ADAMTS16: variants seen among roughly 807,000 people sequenced by gnomAD.
The protein encoded by ADAMTS16 is ADAM metallopeptidase with thrombospondin type 1 motif 16.
ADAMTS16 carries 94 observed loss-of-function variants against 145.8 expected under a neutral mutation model. The observed-to-expected ratio is 0.64, with a 90% CI of 0.55 to 0.77. The LOEUF (loss-of-function observed/expected upper bound fraction) is 0.77. Ranked by LOEUF, ADAMTS16 falls within the 30% of genes least tolerant of loss-of-function variation. ADAMTS16 has a pLI of 0.00. For missense variants in ADAMTS16, 1,585 were observed against 1,591.5 expected, an observed-to-expected ratio of 1.00 and a Z score of 0.07; for synonymous variants, 659 against 604.3, an observed-to-expected ratio of 1.09 and a Z score of -1.33.
intron 11 of ADAMTS16, among the ~76,000 whole-genome samples, chr5:5,226,593 G>A (rs1340248002): frequency 6.6e-6 from 1 of 152,058 alleles, no homozygotes; most frequent in Non-Finnish European, 1.5e-5. Context: ...TCTGTGTGTC[G>A]TTGGTTTGCA....
chr5:5,157,429 T>G (rs1048800206), intron 3 of ADAMTS16, among the ~76,000 whole-genome samples: 15 of 152,224 alleles, frequency 9.9e-5, no homozygotes, highest in African/African-American at 3.6e-4. Flanking sequence ...AATCATATGC[T>G]GATCACTCCC....
At chr5:5,157,296 AT>A (rs1241072103) in intron 3 of ADAMTS16, among the ~76,000 whole-genome samples, 1 of 152,030 alleles carries the variant, frequency 6.6e-6, no homozygotes, top group Non-Finnish European at 1.5e-5. Flanking sequence ...TTGAATTTCT[AT>A]TTTTTCTTCA....
At chr5:5,300,308 G>A (rs1352032774) in intron 18 of ADAMTS16, among the ~76,000 whole-genome samples, 1 of 152,070 alleles carries the variant, frequency 6.6e-6, no homozygotes, top group Admixed American at 6.6e-5. Context: ...GCTTTACATG[G>A]AGAATTATCA....
intron 8 of ADAMTS16, among the ~76,000 whole-genome samples, chr5:5,194,813 T>C (rs1318351062): frequency 1.3e-5 from 2 of 152,252 alleles, no homozygotes; most frequent in Non-Finnish European, 2.9e-5. Context: ...TTTTGAGTTC[T>C]GTACGTCAAG....
chr5:5,299,565 G>C (rs766795344), intron 18 of ADAMTS16, among the ~76,000 whole-genome samples: 1 of 152,056 alleles, frequency 6.6e-6, no homozygotes, highest in Non-Finnish European at 1.5e-5. Flanking sequence ...AATGACTAAA[G>C]ACTGTTCGGC....
chr5:5,170,399 G>C (rs1328858523), intron 3 of ADAMTS16, among the ~76,000 whole-genome samples: 1 of 151,562 alleles, frequency 6.6e-6, no homozygotes, highest in Non-Finnish European at 1.5e-5. Context: ...TTTATTTAGA[G>C]ACAGAGTCTC....
intron 18 of ADAMTS16, among the ~76,000 whole-genome samples, chr5:5,292,902 G>A (rs1405413255): frequency 7.9e-5 from 12 of 152,216 alleles, no homozygotes; most frequent in Admixed American, 7.9e-4. Flanking sequence ...CAGGCTTGTG[G>A]TGCCTGGCCC....
intron 18 of ADAMTS16, among the ~76,000 whole-genome samples, chr5:5,279,480 G>A (rs545771520): frequency 8.9e-4 from 135 of 152,078 alleles, no homozygotes; most frequent in African/African-American, 2.7e-3. Flanking sequence ...GGTCTCTTAC[G>A]TGCTTTAATG....
intron 2 of ADAMTS16, 123 bp from the exon 3 acceptor site, chr5:5,146,007 T>C: frequency 1.2e-6 from 1 of 846,302 alleles, no homozygotes; most frequent in South Asian, 1.8e-5. Flanking sequence ...GTGTTGCATT[T>C]TTCTTCATCA....
In ADAMTS16 at chr5:5,149,973, C is replaced by T. The variant is rs188231579; in HGVS notation, c.501+3518C>T. Reference sequence around the variant, plus strand: ...ATTGTTTTACTTTTTTTGGCTACTGCGAATAATGCTGCTATGAACATTTGT... The same window carrying T: ...ATTGTTTTACTTTTTTTGGCTACTGTGAATAATGCTGCTATGAACATTTGT... On this transcript the variant is annotated intron_variant, in intron 3 of 22. Coordinates refer to ENST00000274181, the MANE Select transcript of ADAMTS16 (RefSeq NM_139056.4). 1.4e-3 allele frequency among the ~76,000 whole-genome samples: 219 copies of T among 152,148 alleles called. 1 individual carries two copies. The highest frequency in any genetic ancestry group is 4.7e-3 in the African/African-American group (197 of 41,524).
intron 17 of ADAMTS16, among the ~76,000 whole-genome samples, chr5:5,260,131 T>A (rs981813181): frequency 6.6e-6 from 1 of 152,278 alleles, no homozygotes; most frequent in Non-Finnish European, 1.5e-5. Context: ...TCCTTGGCCC[T>A]CTTGCTTTTA....
At chr5:5,203,808 C>T (rs72647752) in intron 9 of ADAMTS16, among the ~76,000 whole-genome samples, 327 of 152,160 alleles carry the variant, frequency 2.1e-3, no homozygotes, top group Non-Finnish European at 4.1e-3. Flanking sequence ...GCTCTCTGAC[C>T]ACGTGAATCT....
chr5:5,312,590 G>A (rs769405386), intron 21 of ADAMTS16, among the ~76,000 whole-genome samples: 5 of 151,966 alleles, frequency 3.3e-5, no homozygotes, highest in African/African-American at 4.8e-5. Context: ...TGGGATTACA[G>A]GTGTGCTCCA....
intron 3 of ADAMTS16, among the ~76,000 whole-genome samples, chr5:5,162,320 A>G (rs1734759903): frequency 6.6e-6 from 1 of 152,210 alleles, no homozygotes; most frequent in Non-Finnish European, 1.5e-5. Flanking sequence ...ATTTAAGGGA[A>G]ATCTGCCAAT....
intron 18 of ADAMTS16, among the ~76,000 whole-genome samples, chr5:5,277,053 T>C (rs1229060573): frequency 1.3e-5 from 2 of 152,236 alleles, no homozygotes; most frequent in Admixed American, 6.5e-5. Context: ...AAATCGCAGA[T>C]GCTAAATGTG....
intron 8 of ADAMTS16, among the ~76,000 whole-genome samples, chr5:5,196,325 C>A (rs1735803744): frequency 6.6e-6 from 1 of 151,486 alleles, no homozygotes; most frequent in Non-Finnish European, 1.5e-5. Context: ...CAACCACAGT[C>A]ACTGGAGATG....
rs1210488019 is a variant in ADAMTS16 at position 5,169,405 on chromosome 5, C to T, written c.502-12639C>T. On this transcript the variant is annotated intron_variant, in intron 3 of 22. Coordinates refer to ENST00000274181, the MANE Select transcript of ADAMTS16 (RefSeq NM_139056.4). ...GACCCCCACATTCATTCGTCATTGC[C>T]CAGCACACTCAGTCTCCTGGAATTT... Among the ~76,000 whole-genome samples the T allele has an allele frequency of 1.3e-5, 2 of 152,136 alleles. 1 individual carries two copies. Among genetic ancestry groups the T allele is most frequent in the Non-Finnish European group, 2.9e-5 (2 of 68,014 alleles).
chr5:5,142,134 A>G (rs1190021175), intron 2 of ADAMTS16: 3 of 152,198 alleles, frequency 2.0e-5, no homozygotes, highest in African/African-American at 2.4e-5. Context: ...GATTTCCACA[A>G]TAGTTTATGG....
In ADAMTS16 at chr5:5,308,400, C is replaced by T. The variant is rs537345280; in HGVS notation, c.3411+1672C>T. On this transcript the variant is annotated intron_variant, in intron 21 of 22. Coordinates refer to ENST00000274181, the MANE Select transcript of ADAMTS16 (RefSeq NM_139056.4). ...TCCGTGCTTGGCCTCTCACAAGAGT[C>T]CTCTTCCCAGTTTGCCCACTCATCC... is the stretch of plus-strand genomic sequence containing the variant. Among the ~76,000 whole-genome samples the T allele has an allele frequency of 8.5e-5, 13 of 152,322 alleles. No homozygotes were observed. In the South Asian group the frequency reaches 2.5e-3, roughly 29 times the overall value.
Sources: gnomAD v4.1 joint callset for allele counts (sites outside exome capture counted in the v4.1 genomes callset) on GRCh38, gnomAD v4.1.1 for gene constraint, MANE v1.5 for transcripts, NCBI Gene and HGNC (gene_info 2026-07-23, HGNC 2026-07-21) for gene names.